The following DOCK3 variants were observed in gnomAD, a reference collection of about 807,000 sequenced individuals.
DOCK3 encodes the protein dedicator of cytokinesis protein 3.
A neutral mutation model predicts 265.6 loss-of-function variants in DOCK3; 60 were observed. The observed-to-expected ratio is 0.23, with a 90% confidence interval of 0.18 to 0.28. The LOEUF is 0.28. Ranked by LOEUF, DOCK3 falls within the 10% of genes least tolerant of loss-of-function variation. The pLI is 1.00. For synonymous variants in DOCK3, 881 were observed against 938.0 expected, an observed-to-expected ratio of 0.94 and a Z score of 1.11; for missense variants, 1,981 against 2,594.3, an observed-to-expected ratio of 0.76 and a Z score of 5.14.
intron 4 of DOCK3, among the ~76,000 whole-genome samples, chr3:50,922,346 C>T (rs1401746645): frequency 6.6e-6 from 1 of 152,188 alleles, no homozygotes; most frequent in Admixed American, 6.5e-5. Flanking sequence ...GGTGTAGGAC[C>T]CCCTGAGCCA....
intron 51 of DOCK3, among the ~76,000 whole-genome samples, chr3:51,378,176 A>G (rs1242829999): frequency 6.6e-6 from 1 of 152,128 alleles, no homozygotes; most frequent in African/African-American, 2.4e-5. Flanking sequence ...CTGCAACTCA[A>G]TCACTGGCAC....
intron 27 of DOCK3, among the ~76,000 whole-genome samples, chr3:51,295,551 C>G (rs2082034281): frequency 6.6e-6 from 1 of 152,118 alleles, no homozygotes; most frequent in Non-Finnish European, 1.5e-5. Context: ...TAAAAAAAAT[C>G]CGCCAACAAT....
At chr3:50,935,715 ATAG>A (rs2051322611) in intron 5 of DOCK3, among the ~76,000 whole-genome samples, 2 of 152,306 alleles carry the variant, frequency 1.3e-5, no homozygotes, top group South Asian at 4.1e-4. Flanking sequence ...AACTGAGGAG[ATAG>A]TAGGGTGAAG....
At chr3:51,010,908 G>A (rs1049933240) in intron 5 of DOCK3, among the ~76,000 whole-genome samples, 1 of 152,088 alleles carries the variant, frequency 6.6e-6, no homozygotes, top group African/African-American at 2.4e-5. Context: ...TGAAATTCTG[G>A]GTGGAAAATT....
At chr3:50,734,602 GT>G (rs771129941) in intron 1 of DOCK3, among the ~76,000 whole-genome samples, 10 of 107,384 alleles carry the variant, frequency 9.3e-5, no homozygotes, top group Admixed American at 6.2e-4. Context: ...TTTACAGTGA[GT>G]TTTTTTTTTT....
intron 9 of DOCK3, 116 bp from the exon 10 acceptor site, chr3:51,146,433 C>T: frequency 9.1e-7 from 1 of 1,095,896 alleles, no homozygotes; most frequent in Non-Finnish European, 1.3e-6. Flanking sequence ...TTTGGCCTTG[C>T]TTGTCACTGC....
chr3:51,294,461 G>A (rs2081961698), intron 27 of DOCK3, among the ~76,000 whole-genome samples: 2 of 152,082 alleles, frequency 1.3e-5, no homozygotes, highest in South Asian at 2.1e-4. Flanking sequence ...GGCGGATCAC[G>A]AGGTCAGGAG....
chr3:50,797,231 A>G (rs2042839236), intron 2 of DOCK3, among the ~76,000 whole-genome samples: 1 of 151,836 alleles, frequency 6.6e-6, no homozygotes, highest in Non-Finnish European at 1.5e-5. Flanking sequence ...GACTGTGCAA[A>G]TGGTTGTGCT....
intron 1 of DOCK3, among the ~76,000 whole-genome samples, chr3:50,743,216 C>T (rs1332475946): frequency 6.6e-6 from 1 of 151,280 alleles, no homozygotes; most frequent in Non-Finnish European, 1.5e-5. Flanking sequence ...AAAGGAACAA[C>T]CGGTACCAGC....
Position 51,089,246 on chromosome 3 carries a change from T to A in DOCK3, c.553T>A (p.Leu185Ile). 1 of 1,608,208 alleles carries A rather than the reference T, an allele frequency of 6.2e-7. No homozygotes were observed. The highest frequency in any genetic ancestry group is 8.5e-7 in the Non-Finnish European group (1 of 1,177,170). Residue 185 changes from leucine (L) to isoleucine (I), a missense_variant, in exon 8 of 53, where the codon TTA becomes ATA. Leu to Ile is a conservative substitution (Grantham distance 5). This residue lies in a region of DOCK3 where 456 missense variants were observed against 539.0 expected (regional missense o/e 0.85). Coordinates refer to ENST00000266037, the MANE Select transcript of DOCK3 (RefSeq NM_004947.5). ...ISVSDLYKMH[L>I]SSRQSVQQST... ...TTTTCTTTCCTTCTTTCCATAGCATTTATCTAGCCGGCAGAGTGTACAGCA... is the reference window on the plus strand; with the variant it reads ...TTTTCTTTCCTTCTTTCCATAGCATATATCTAGCCGGCAGAGTGTACAGCA...
chr3:51,033,374 C>A (rs913232260), intron 5 of DOCK3, among the ~76,000 whole-genome samples: 1 of 152,160 alleles, frequency 6.6e-6, no homozygotes, highest in South Asian at 2.1e-4. Flanking sequence ...TTGCTATGAC[C>A]TTTAGTCTTA....
At chr3:50,688,949 C>T (rs1323028599) in intron 1 of DOCK3, among the ~76,000 whole-genome samples, 1 of 152,122 alleles carries the variant, frequency 6.6e-6, no homozygotes, top group African/African-American at 2.4e-5. Context: ...GACAAGTGCA[C>T]CATGTGGGAA....
At chr3:51,136,615 C>T (rs1202899211) in intron 9 of DOCK3, among the ~76,000 whole-genome samples, 2 of 152,108 alleles carry the variant, frequency 1.3e-5, no homozygotes, top group East Asian at 3.8e-4. Flanking sequence ...CTCTGTTCCA[C>T]CAGACTTGAG....
Position 51,380,011 on chromosome 3 carries a change from GAGGGGTCCCC to G in DOCK3, c.5501-108_5501-99del, listed in dbSNP as rs1421386820. On this transcript the variant is annotated intron_variant, in intron 51 of 52. Coordinates refer to ENST00000266037, the MANE Select transcript of DOCK3 (RefSeq NM_004947.5). ...AGGTTTATCCATAGCCCTCAATGCT[GAGGGGTCCCC>G]AGGGGACTCTTCTCATGCCTGCCCA... 9.8e-5 allele frequency: 90 copies of G among 917,504 alleles called. 1 individual carries two copies. Among genetic ancestry groups the G allele is most frequent in the Non-Finnish European group, 1.6e-5 (10 of 610,676 alleles). 56.8% of individuals were successfully genotyped at this position (917,504 alleles called of 1,614,324 possible).
chr3:51,170,872 G>A (rs1193833910), intron 12 of DOCK3, among the ~76,000 whole-genome samples: 1 of 151,158 alleles, frequency 6.6e-6, no homozygotes, highest in Non-Finnish European at 1.5e-5. Context: ...GAACCCAGGA[G>A]GCAGAGATTG....
chr3:50,965,942 T>G (rs1262441772), intron 5 of DOCK3, among the ~76,000 whole-genome samples: 1 of 152,158 alleles, frequency 6.6e-6, no homozygotes, highest in Non-Finnish European at 1.5e-5. Flanking sequence ...TTGTTGATCT[T>G]AGAACTGAAA....
At chr3:51,029,700 A>G (rs2079969797) in intron 5 of DOCK3, among the ~76,000 whole-genome samples, 1 of 151,744 alleles carries the variant, frequency 6.6e-6, no homozygotes, top group Admixed American at 6.6e-5. Context: ...GGGACCCACA[A>G]CTCCCTGGGG....
rs535853529 is a variant in DOCK3, at chr3:51,163,650, T to C, written c.1037+2948T>C. On this transcript the variant is annotated intron_variant, in intron 12 of 52. Coordinates refer to ENST00000266037, the MANE Select transcript of DOCK3 (RefSeq NM_004947.5). ...ATTGGAGGGGGTGGGTGTCCATAAA[T>C]AATGCACGTAACCAAATACAAGATG... Among the ~76,000 whole-genome samples the C allele has an allele frequency of 2.6e-5, 4 of 152,270 alleles. No homozygotes were observed. The East Asian group carries it at 7.7e-4, about 29-fold the overall frequency.
rs1370159378 is a variant in DOCK3, at chr3:50,682,235, A to G, written c.37+6935A>G. 2.0e-5 allele frequency among the ~76,000 whole-genome samples: 3 copies of G among 152,198 alleles called. No individual in the cohort carries two copies. In the East Asian group the frequency reaches 5.8e-4, roughly 29 times the overall value. ...GGTTCAAATTTGCATGTTCAGCCTC[A>G]TCCACTGACTTGTTAATACTTTACA... On this transcript the variant is annotated intron_variant, in intron 1 of 52. Coordinates refer to ENST00000266037, the MANE Select transcript of DOCK3 (RefSeq NM_004947.5).
Sources: allele counts gnomAD v4.1 joint callset (sites outside exome capture counted in the v4.1 genomes callset), GRCh38; gene constraint gnomAD v4.1.1; regional missense constraint gnomAD v4.1.1; transcripts MANE v1.5; gene names NCBI Gene and HGNC (gene_info 2026-07-23, HGNC 2026-07-21).